PPM1H: variants seen among roughly 807,000 people sequenced by gnomAD.
PPM1H encodes the protein protein phosphatase 1H.
A neutral mutation model predicts 54.9 loss-of-function variants in PPM1H; 27 were observed. The observed-to-expected ratio is 0.49, with a 90% CI of 0.36 to 0.68. The LOEUF (loss-of-function observed/expected upper bound fraction) is 0.68, where lower values mean the gene tolerates loss of function less well. Among genes scored for constraint, PPM1H ranks in the 30% least tolerant of loss-of-function variants. PPM1H has a pLI of 0.00. For missense variants in PPM1H, 596 were observed against 667.8 expected (o/e 0.89, Z 1.19); for synonymous variants, 305 against 270.8 (o/e 1.13, Z -1.24).
At chr12:62,904,224 A>T (rs762632131) in intron 1 of PPM1H, among the ~76,000 whole-genome samples, 1 of 152,090 alleles carries the variant, frequency 6.6e-6, no homozygotes, top group Non-Finnish European at 1.5e-5. Context: ...GTGGGGTACA[A>T]AATTAGTTCT....
chr12:62,879,378 A>T (rs1870307788), intron 1 of PPM1H, among the ~76,000 whole-genome samples: 1 of 152,228 alleles, frequency 6.6e-6, no homozygotes, highest in Admixed American at 6.5e-5. Context: ...TCCACCAAAG[A>T]TAGACTGGAT....
At chr12:62,900,482 A>G (rs1871134621) in intron 1 of PPM1H, among the ~76,000 whole-genome samples, 2 of 151,884 alleles carry the variant, frequency 1.3e-5, no homozygotes, top group Admixed American at 1.3e-4. Context: ...ACATGTATAC[A>G]TATGTAACAA....
At chr12:62,846,465 A>G (rs1417083148) in intron 1 of PPM1H, among the ~76,000 whole-genome samples, 1 of 150,662 alleles carries the variant, frequency 6.6e-6, no homozygotes, top group African/African-American at 2.4e-5. Flanking sequence ...GCGCCACTGC[A>G]CTCCAGCCTG....
chr12:62,717,597 T>A lies in PPM1H; in HGVS notation c.1073+2574A>T, dbSNP rs139239378. 3.6e-3 allele frequency among the ~76,000 whole-genome samples: 539 copies of A among 151,830 alleles called. 5 individuals carry two copies. Among genetic ancestry groups the A allele is most frequent in the African/African-American group, 9.2e-3 (380 of 41,440 alleles). On this transcript the variant is annotated intron_variant, in intron 6 of 9. Coordinates refer to ENST00000228705, the MANE Select transcript of PPM1H (RefSeq NM_020700.2). ...CCTGAACTTAGCTACATTTTTTTTT[T>A]AATTATAAAACCAGGACAATCTTTA... is the stretch of plus-strand genomic sequence containing the variant.
chr12:62,703,839 A>G (rs2076157784), intron 6 of PPM1H, among the ~76,000 whole-genome samples: 1 of 152,056 alleles, frequency 6.6e-6, no homozygotes, highest in African/African-American at 2.4e-5. Context: ...TCTGCCAGCC[A>G]TCTGTATTTC....
At chr12:62,660,733 G>A (rs905541874) in intron 9 of PPM1H, among the ~76,000 whole-genome samples, 2 of 152,112 alleles carry the variant, frequency 1.3e-5, no homozygotes, top group African/African-American at 2.4e-5. Flanking sequence ...CTGAAACTAC[G>A]AAACTACTAG....
At chr12:62,714,953 GC>G (rs1026794437) in intron 6 of PPM1H, among the ~76,000 whole-genome samples, 1 of 152,172 alleles carries the variant, frequency 6.6e-6, no homozygotes, top group African/African-American at 2.4e-5. Flanking sequence ...TGAAGTTTCA[GC>G]CCCCTCCCAC....
At chr12:62,769,570 A>G (rs2076565747) in intron 4 of PPM1H, among the ~76,000 whole-genome samples, 2 of 152,310 alleles carry the variant, frequency 1.3e-5, no homozygotes, top group South Asian at 2.1e-4. Flanking sequence ...CATTCATTCA[A>G]TGTCTTCTAT....
chr12:62,694,300 G>A (rs935058206), intron 6 of PPM1H, among the ~76,000 whole-genome samples: 1 of 152,178 alleles, frequency 6.6e-6, no homozygotes, highest in Non-Finnish European at 1.5e-5. Flanking sequence ...AAGTGACCCA[G>A]CAACAGTATT....
intron 4 of PPM1H, among the ~76,000 whole-genome samples, chr12:62,746,936 G>GT (rs2076415413): frequency 6.6e-6 from 1 of 152,060 alleles, no homozygotes; most frequent in South Asian, 2.1e-4. Context: ...ATGCAAACGA[G>GT]TAACAAATTC....
chr12:62,895,131 G>A (rs1050709981), intron 1 of PPM1H, among the ~76,000 whole-genome samples: 17 of 152,128 alleles, frequency 1.1e-4, no homozygotes, highest in Admixed American at 3.3e-4. Flanking sequence ...CAACACCCCC[G>A]TCTATTTAGC....
intron 8 of PPM1H, among the ~76,000 whole-genome samples, chr12:62,675,557 T>A (rs2075980747): frequency 6.6e-6 from 1 of 152,232 alleles, no homozygotes; most frequent in Non-Finnish European, 1.5e-5. Context: ...TGAACCAAGT[T>A]GCCTCAAGTC....
At chr12:62,722,376 G>A (rs2076268615) in intron 5 of PPM1H, among the ~76,000 whole-genome samples, 2 of 152,116 alleles carry the variant, frequency 1.3e-5, no homozygotes. Context: ...TTACAAAGCA[G>A]GAGTCGATTT....
chr12:62,742,427 A>G (rs543196009), intron 4 of PPM1H, among the ~76,000 whole-genome samples: 6 of 152,236 alleles, frequency 3.9e-5, no homozygotes, highest in Middle Eastern at 6.8e-3. Flanking sequence ...CTTGGGATCA[A>G]TTTGTCAGAG....
chr12:62,781,568 A>G (rs1336843030), intron 4 of PPM1H, among the ~76,000 whole-genome samples: 1 of 152,208 alleles, frequency 6.6e-6, no homozygotes, highest in Non-Finnish European at 1.5e-5. Context: ...TTGAGCATGC[A>G]TTGGAGTCAC....
intron 9 of PPM1H, among the ~76,000 whole-genome samples, chr12:62,651,038 G>A (rs1444350549): frequency 6.6e-6 from 1 of 152,206 alleles, no homozygotes; most frequent in Admixed American, 6.5e-5. Context: ...CTGCACCTGA[G>A]CTTTTTAGGT....
chr12:62,874,309 A>G (rs75984795), intron 1 of PPM1H, among the ~76,000 whole-genome samples: 1,872 of 152,306 alleles, frequency 0.012, 35 homozygotes, highest in African/African-American at 0.042. Context: ...ATATAAATGG[A>G]TAAGAGTGAC....
At chr12:62,839,284 C>T (rs1868629921) in intron 1 of PPM1H, among the ~76,000 whole-genome samples, 1 of 152,148 alleles carries the variant, frequency 6.6e-6, no homozygotes. Flanking sequence ...CAGTGACCAA[C>T]GAGGTGTTGC....
intron 4 of PPM1H, among the ~76,000 whole-genome samples, chr12:62,752,969 G>C (rs2076450128): frequency 6.6e-6 from 1 of 152,206 alleles, no homozygotes; most frequent in Admixed American, 6.5e-5. Flanking sequence ...TGGGGCATAT[G>C]TGTGATGTCA....
Sources: allele counts gnomAD v4.1 joint callset (sites outside exome capture counted in the v4.1 genomes callset), GRCh38; gene constraint gnomAD v4.1.1; transcripts MANE v1.5; gene names NCBI Gene and HGNC (gene_info 2026-07-23, HGNC 2026-07-21).